CD300LF: variants seen among roughly 807,000 people sequenced by gnomAD.
The protein encoded by CD300LF is CMRF35-like molecule 1.
In CD300LF, 27 loss-of-function variants were observed where a neutral mutation model predicts 32.2. That is an observed-to-expected ratio of 0.84 (90% CI 0.62 to 1.15). The LOEUF is 1.15. Among genes scored for constraint, CD300LF ranks in the 50% most tolerant of loss-of-function variants. CD300LF has a pLI of 0.00. For missense variants in CD300LF, 348 were observed against 356.8 expected (o/e 0.98, Z 0.20); for synonymous variants, 139 against 143.2 (o/e 0.97, Z 0.21).
At chr17:74,704,853 C>A (rs369103428) in intron 1 of CD300LF, 37 bp from the exon 2 acceptor site, 88 of 1,531,284 alleles carry the variant, frequency 5.7e-5, no homozygotes, top group Non-Finnish European at 7.4e-5. Context: ...CACCTCCCAC[C>A]CCAAGGGCAG....
At chr17:74,701,556 T>A (rs2033050885) in intron 3 of CD300LF, among the ~76,000 whole-genome samples, 3 of 152,132 alleles carry the variant, frequency 2.0e-5, no homozygotes, top group Admixed American at 2.0e-4. Flanking sequence ...ATTGATTTGC[T>A]TAGGAAAAAG....
intron 4 of CD300LF, among the ~76,000 whole-genome samples, chr17:74,696,582 C>G (rs980999306): frequency 1.5e-4 from 23 of 152,232 alleles, no homozygotes; most frequent in African/African-American, 5.3e-4. Context: ...CTACCTGATT[C>G]ATCCTTCAGG....
rs186522378 is a variant in CD300LF at position 74,707,505 on chromosome 17, A to G, written c.44-2689T>C. Among the ~76,000 whole-genome samples, 68 of 152,316 alleles carry G rather than the reference A, an allele frequency of 4.5e-4. No individual in the cohort carries two copies. The East Asian group carries it at 0.013, about 29-fold the overall frequency. ...CACATTGGGTGGATCATCTGAAGTC[A>G]GGAGTTTGAGACCAGCCTAGGCAAC... On this transcript the variant is annotated intron_variant, in intron 1 of 6. Transcript: ENST00000326165.
chr17:74,709,623 C>G, intron 1 of CD300LF, among the ~76,000 whole-genome samples: 1 of 151,942 alleles, frequency 6.6e-6, no homozygotes. Context: ...CCGGAGTGCA[C>G]TGGTACGAAC....
At chr17:74,703,271 C>G in intron 2 of CD300LF, 173 bp from the exon 3 acceptor site, 1 of 673,564 alleles carries the variant, frequency 1.5e-6, no homozygotes, top group Non-Finnish European at 2.5e-6. Flanking sequence ...GGGCTGCAGC[C>G]TGGACCACTC....
chr17:74,695,280 G>A, intron 6 of CD300LF, 29 bp from the exon 7 acceptor site: 1 of 1,612,320 alleles, frequency 6.2e-7, no homozygotes, highest in Non-Finnish European at 8.5e-7. Context: ...CCAGGTCAGA[G>A]AGGACGGCAG....
intron 3 of CD300LF, among the ~76,000 whole-genome samples, chr17:74,701,225 A>T (rs2143695792): frequency 6.6e-6 from 1 of 152,374 alleles, no homozygotes; most frequent in East Asian, 1.9e-4. Context: ...GAAATTCATC[A>T]GTCAATTAAT....
rs746258564 is a variant in CD300LF, at chr17:74,695,264, C to T, written c.718-13G>A. 23 of 1,613,484 alleles carry T rather than the reference C, an allele frequency of 1.4e-5. 1 individual carries two copies. The highest frequency in any genetic ancestry group is 5.0e-5 in the Admixed American group (3 of 59,952). ...TCGGCAAGGAAGCCTGCAGCAAAGGCGGGCTCCAGGTCAGAGAGGACGGCA... is the reference window on the plus strand; with the variant it reads ...TCGGCAAGGAAGCCTGCAGCAAAGGTGGGCTCCAGGTCAGAGAGGACGGCA... On this transcript the variant is annotated splice_polypyrimidine_tract_variant and intron_variant, in intron 6 of 6. Transcript: ENST00000326165.
At chr17:74,712,073 G>A (rs1272746009) in intron 1 of CD300LF, among the ~76,000 whole-genome samples, 1 of 150,894 alleles carries the variant, frequency 6.6e-6, no homozygotes, top group Non-Finnish European at 1.5e-5. Flanking sequence ...CACCATACCT[G>A]GCTAATTTTT....
At chr17:74,700,514 G>T (rs982902994) in intron 3 of CD300LF, among the ~76,000 whole-genome samples, 9 of 152,164 alleles carry the variant, frequency 5.9e-5, no homozygotes, top group Non-Finnish European at 1.3e-4. Context: ...GCCGAGGCAG[G>T]CTGATCACAT....
chr17:74,706,942 A>G (rs542947880), intron 1 of CD300LF, among the ~76,000 whole-genome samples: 16 of 152,386 alleles, frequency 1.0e-4, no homozygotes, highest in African/African-American at 3.8e-4. Context: ...CACGTCCAGA[A>G]GAATGAAGCC....
intron 3 of CD300LF, 133 bp from the exon 4 acceptor site, chr17:74,698,614 C>T: frequency 6.7e-7 from 1 of 1,494,204 alleles, no homozygotes. Context: ...GCCTGGGAAC[C>T]CTCACTCCTG....
chr17:74,708,147 CAAAAAAAA>C (rs373733638), intron 1 of CD300LF, among the ~76,000 whole-genome samples: 1 of 81,306 alleles, frequency 1.2e-5, no homozygotes, highest in Non-Finnish European at 2.2e-5. Context: ...GACTCCATCT[CAAAAAAAA>C]AAAAAAGAAA....
At position 74,712,867 on chromosome 17, in the gene CD300LF, C is replaced by T. The variant is rs1371271069; in HGVS notation, c.-1G>A. ...GCAGGTAGAGTGTCAGCAGGGGCAT[C>T]TTCTCTTCAGACAGGTCCCCGTTCC... On this transcript the variant is annotated 5_prime_UTR_variant, in exon 1 of 7. Coordinates refer to ENST00000326165, the MANE Select transcript of CD300LF (RefSeq NM_139018.5). The T allele has an allele frequency of 1.2e-6, 2 of 1,614,050 alleles. No individual in the cohort carries two copies. The highest frequency in any genetic ancestry group is 2.2e-5 in the East Asian group (1 of 44,868).
At chr17:74,709,790 C>T (rs1198921610) in intron 1 of CD300LF, among the ~76,000 whole-genome samples, 5 of 151,922 alleles carry the variant, frequency 3.3e-5, no homozygotes, top group Admixed American at 3.3e-4. Context: ...CCAAGCTGGT[C>T]TCAAACTCCT....
chr17:74,711,906 CTTT>C (rs71361629), intron 1 of CD300LF, among the ~76,000 whole-genome samples: 4 of 123,670 alleles, frequency 3.2e-5, no homozygotes, highest in South Asian at 2.6e-4. Context: ...TTTCTTTTTT[CTTT>C]TTTTTTTTTT....
intron 1 of CD300LF, among the ~76,000 whole-genome samples, chr17:74,711,725 G>A (rs983983017): frequency 1.1e-4 from 17 of 152,112 alleles, no homozygotes; most frequent in Admixed American, 7.2e-4. Flanking sequence ...GTCTCGGCTC[G>A]GACAGGCATC....
chr17:74,712,562 G>A (rs541155912), intron 1 of CD300LF, among the ~76,000 whole-genome samples: 8 of 152,332 alleles, frequency 5.3e-5, no homozygotes, highest in South Asian at 2.1e-4. Context: ...TTCCCTGGCC[G>A]GCGGGGCCTA....
chr17:74,694,472 G>C lies in CD300LF; in HGVS notation c.*624C>G, dbSNP rs2032247048. 6.6e-6 allele frequency: 1 copy of C among 152,212 alleles called. No homozygotes were observed. Among genetic ancestry groups the C allele is most frequent in the Non-Finnish European group, 1.5e-5 (1 of 68,060 alleles). The allele number at this position is 152,212 out of a possible 1,614,324, so 9.4% of individuals were successfully genotyped here. ...TTCCTTTCCCTTTCTGGCATCTGAA[G>C]GCTGCGGCATTCATGGCCCCTGCTC... On this transcript the variant is annotated 3_prime_UTR_variant, in exon 7 of 7. Transcript: ENST00000326165.
Sources: allele counts gnomAD v4.1 joint callset (sites outside exome capture counted in the v4.1 genomes callset), GRCh38; gene constraint gnomAD v4.1.1; transcripts MANE v1.5; gene names NCBI Gene and HGNC (gene_info 2026-07-23, HGNC 2026-07-21).